Variants in CUL2 observed in about 807,000 individuals in gnomAD.
CUL2 encodes cullin-2.
A neutral mutation model predicts 110.2 loss-of-function variants in CUL2; 22 were observed. That is an observed-to-expected ratio of 0.20 (90% confidence interval 0.14 to 0.28). The LOEUF is 0.28. Among genes scored for constraint, CUL2 ranks in the 10% least tolerant of loss-of-function variants. CUL2 has a pLI of 1.00. For missense variants in CUL2, 631 were observed against 905.5 expected (o/e 0.70, Z 3.89); for synonymous variants, 279 against 293.2 (o/e 0.95, Z 0.49).
At chr10:35,111,299 T>G (rs965115459) in intron 1 of CUL2, among the ~76,000 whole-genome samples, 2 of 151,946 alleles carry the variant, frequency 1.3e-5, no homozygotes, top group Non-Finnish European at 2.9e-5. Context: ...GTTGCCCAAC[T>G]GGAGTGCAGT....
rs1370340099 is a variant in CUL2, at chr10:35,049,695, C to T, written c.494G>A (p.Arg165Gln). ...LQAILIRMLL[R>Q]EIKNDRGGED... is the part of the protein sequence containing the mutation. ...TGTCAGCACTCACTTTTTGATTTCT[C>T]GGAGCAGCATTCGGATAAGGATGGC... Residue 165 changes from arginine (R) to glutamine (Q), a missense_variant, in exon 6 of 21, where the codon CGA becomes CAA. Physicochemically the swap from Arg to Gln is conservative, Grantham distance 43. Around this residue, in one of 3 missense-constraint regions of CUL2, gnomAD observed 338 missense variants for 442.5 expected, o/e 0.76. Coordinates refer to ENST00000374749, the MANE Select transcript of CUL2 (RefSeq NM_003591.4). The T allele has an allele frequency of 1.1e-5, 18 of 1,612,422 alleles. No individual in the cohort carries two copies. The highest frequency in any genetic ancestry group is 6.7e-5 in the East Asian group (3 of 44,850).
chr10:35,082,079 T>C (rs2086957850), intron 1 of CUL2, among the ~76,000 whole-genome samples: 1 of 151,922 alleles, frequency 6.6e-6, no homozygotes, highest in African/African-American at 2.4e-5. Context: ...GGAGGATCAC[T>C]TGAGCTCAGG....
intron 1 of CUL2, among the ~76,000 whole-genome samples, chr10:35,112,003 G>A (rs973698993): frequency 3.9e-5 from 6 of 152,220 alleles, no homozygotes; most frequent in African/African-American, 1.4e-4. Flanking sequence ...AAGGGTCTAT[G>A]TGTAGAGAAG....
chr10:35,102,194 T>A (rs1040537173), intron 1 of CUL2, among the ~76,000 whole-genome samples: 3 of 151,676 alleles, frequency 2.0e-5, no homozygotes, highest in Non-Finnish European at 2.9e-5. Context: ...GAGCTGAGAT[T>A]GTGCCACTCC....
chr10:35,012,030 C>A, intron 19 of CUL2, 66 bp from the exon 20 acceptor site: 38 of 824,548 alleles, frequency 4.6e-5, no homozygotes, highest in Middle Eastern at 2.4e-4. Flanking sequence ...GTTTTCAATT[C>A]ATTTTATCAG....
chr10:35,050,624 G>C (rs1053158486), intron 5 of CUL2, among the ~76,000 whole-genome samples: 2 of 152,088 alleles, frequency 1.3e-5, no homozygotes, highest in African/African-American at 4.8e-5. Context: ...CCACAATTTT[G>C]TGAAACCCAT....
intron 1 of CUL2, among the ~76,000 whole-genome samples, chr10:35,106,390 G>A (rs1019327172): frequency 6.6e-5 from 10 of 151,464 alleles, no homozygotes; most frequent in Non-Finnish European, 1.5e-4. Context: ...CGCGATCTCC[G>A]GTCACTGCAA....
At chr10:35,044,157 A>C (rs1393971204) in intron 8 of CUL2, among the ~76,000 whole-genome samples, 1 of 151,974 alleles carries the variant, frequency 6.6e-6, no homozygotes, top group Admixed American at 6.6e-5. Context: ...TAGAATTACT[A>C]TATTTTCCTC....
Position 35,072,526 on chromosome 10 carries a change from G to A in CUL2, c.-22-1187C>T, listed in dbSNP as rs573306551. 1.2e-3 allele frequency among the ~76,000 whole-genome samples: 182 copies of A among 152,182 alleles called. 1 individual carries two copies. The highest frequency in any genetic ancestry group is 4.3e-3 in the African/African-American group (180 of 41,522). On this transcript the variant is annotated intron_variant, in intron 1 of 20. Transcript: ENST00000374749. ...TGGGACTACAGGCGCCCGCCACCATGCCCGGCTCATTTTTTGTATTTTTAG... is the reference window on the plus strand; with the variant it reads ...TGGGACTACAGGCGCCCGCCACCATACCCGGCTCATTTTTTGTATTTTTAG...
chr10:35,009,190 ATATATATATAT>A lies in CUL2; in HGVS notation c.*1110_*1120del, dbSNP rs2084834104. 9.5e-6 allele frequency: 1 copy of A among 105,302 alleles called. No homozygotes were observed. The highest frequency in any genetic ancestry group is 2.8e-4 in the East Asian group (1 of 3,548). The allele number at this position is 105,302 out of a possible 1,614,324, so 6.5% of individuals were successfully genotyped here. A position where few individuals can be genotyped will look rare whatever the true frequency, so the allele number is the denominator to read the frequency against. ...TCTTAACACTGCTGTTGAGATATAT[ATATATATATAT>A]TATATATATATATATATATAAAATA... On this transcript the variant is annotated 3_prime_UTR_variant, in exon 21 of 21. Coordinates refer to ENST00000374749, the MANE Select transcript of CUL2 (RefSeq NM_003591.4).
At chr10:35,045,545 C>CA (rs35223623) in intron 6 of CUL2, among the ~76,000 whole-genome samples, 21,530 of 88,300 alleles carry the variant, frequency 0.24, 2,395 homozygotes, top group East Asian at 0.32. Context: ...AGACCCCATA[C>CA]AAAAAAAAAA....
chr10:35,020,510 C>T (rs150308567), intron 17 of CUL2, among the ~76,000 whole-genome samples: 120 of 152,306 alleles, frequency 7.9e-4, no homozygotes, highest in African/African-American at 2.8e-3. Context: ...TTTATTCTGG[C>T]AAACACTAGT....
upstream of CUL2, among the ~76,000 whole-genome samples, chr10:35,093,235 C>A (rs1161266106): frequency 6.6e-6 from 1 of 152,028 alleles, no homozygotes; most frequent in Non-Finnish European, 1.5e-5. Context: ...AGTGATAACT[C>A]CAGTTCTCCT....
At chr10:35,050,314 C>T (rs1428892198) in intron 5 of CUL2, among the ~76,000 whole-genome samples, 1 of 147,592 alleles carries the variant, frequency 6.8e-6, no homozygotes. Flanking sequence ...CAGTGCGAGA[C>T]TCCGTCTCAA....
At chr10:35,074,013 C>T (rs1424265662) in intron 1 of CUL2, 6 of 710,712 alleles carry the variant, frequency 8.4e-6, no homozygotes, top group South Asian at 3.0e-5. Flanking sequence ...ACCCGTGCTG[C>T]GGCCGGTGCT....
Position 35,031,740 on chromosome 10 carries a change from G to A in CUL2, c.1171-121C>T. Reference sequence around the variant, plus strand: ...GACAGAATTTTTGCTGTTTTTTTTAGAGACCGGGTCTTGCTCTGTTGCCAG... The same window carrying A: ...GACAGAATTTTTGCTGTTTTTTTTAAAGACCGGGTCTTGCTCTGTTGCCAG... On this transcript the variant is annotated intron_variant, in intron 12 of 20. Transcript: ENST00000374749. This position sits in a 1 kb window ranked among gnomAD's most constrained non-coding sequence, Gnocchi z 4.4. The A allele has an allele frequency of 2.0e-6, 2 of 1,008,812 alleles. No individual in the cohort carries two copies. The highest frequency in any genetic ancestry group is 3.2e-5 in the African/African-American group (2 of 62,352). The allele number at this position is 1,008,812 out of a possible 1,614,324, so 62.5% of individuals were successfully genotyped here.
intron 8 of CUL2, among the ~76,000 whole-genome samples, 167 bp downstream of exon 8, chr10:35,044,399 C>G (rs1454310942): frequency 1.3e-5 from 2 of 152,038 alleles, no homozygotes; most frequent in Non-Finnish European, 2.9e-5. Context: ...AATGACTTAT[C>G]AATCGATATT....
At chr10:35,037,758 G>A (rs543483693) in intron 9 of CUL2, among the ~76,000 whole-genome samples, 3 of 151,854 alleles carry the variant, frequency 2.0e-5, no homozygotes, top group Non-Finnish European at 4.4e-5. Context: ...CAGGAGAATC[G>A]CTTGAACCCA....
At chr10:35,108,460 AAAAAAAAGG>A (rs1016723340) in intron 1 of CUL2, among the ~76,000 whole-genome samples, 2 of 151,964 alleles carry the variant, frequency 1.3e-5, no homozygotes, top group Admixed American at 6.6e-5. Context: ...GACTCAAAAA[AAAAAAAAGG>A]AAAAAAAGAA....
Sources: gnomAD v4.1 joint callset for allele counts (sites outside exome capture counted in the v4.1 genomes callset) on GRCh38, gnomAD v4.1.1 for gene constraint, gnomAD v4.1.1 regional missense constraint, Gnocchi (gnomAD v3.1) non-coding constraint, MANE v1.5 for transcripts, NCBI Gene and HGNC (gene_info 2026-07-23, HGNC 2026-07-21) for gene names.